Variants in UBAC2 observed in about 807,000 individuals in gnomAD.
UBAC2 encodes ubiquitin-associated domain-containing protein 2.
In UBAC2, 26 loss-of-function variants were observed where a neutral mutation model predicts 44.0. The ratio of observed to expected loss-of-function variants is 0.59; its 90% CI spans 0.43 to 0.82. The LOEUF is 0.82. UBAC2 is among the 40% of genes least tolerant of loss of function. UBAC2 has a pLI of 0.00. For synonymous variants in UBAC2, 155 were observed against 154.3 expected (o/e 1.00, Z -0.04); for missense variants, 329 against 419.4 (o/e 0.78, Z 1.88).
intron 4 of UBAC2, among the ~76,000 whole-genome samples, chr13:99,250,290 A>C (rs1594047295): frequency 2.0e-5 from 3 of 152,192 alleles, no homozygotes; most frequent in Admixed American, 2.0e-4. Flanking sequence ...CTAGCCAGCT[A>C]TCCTAGCACC....
intron 1 of UBAC2, among the ~76,000 whole-genome samples, chr13:99,228,211 A>G (rs1333361153): frequency 1.3e-5 from 2 of 152,182 alleles, no homozygotes; most frequent in Non-Finnish European, 2.9e-5. Context: ...CAGAGTCACA[A>G]AGGAGCTTGC....
At chr13:99,360,937 C>A (rs1268444730) in intron 7 of UBAC2, among the ~76,000 whole-genome samples, 1 of 152,144 alleles carries the variant, frequency 6.6e-6, no homozygotes, top group African/African-American at 2.4e-5. Context: ...CTCCTGTGGA[C>A]GCTCGAGTGC....
intron 8 of UBAC2, among the ~76,000 whole-genome samples, chr13:99,373,957 C>T (rs1332295945): frequency 6.6e-6 from 1 of 152,312 alleles, no homozygotes; most frequent in Non-Finnish European, 1.5e-5. Flanking sequence ...AAACATGGTG[C>T]AACTGCCCAG....
intron 6 of UBAC2, among the ~76,000 whole-genome samples, chr13:99,333,845 G>T (rs1427041256): frequency 2.0e-5 from 3 of 152,020 alleles, no homozygotes; most frequent in African/African-American, 7.2e-5. Context: ...GGGAGTCTGT[G>T]GCCTCCCCCC....
intron 1 of UBAC2, chr13:99,201,716 G>T: frequency 1.3e-6 from 1 of 745,768 alleles, no homozygotes; most frequent in Non-Finnish European, 2.2e-6. Flanking sequence ...GCTTGTCACT[G>T]TTCATACTCC....
chr13:99,201,078 C>T (rs80200505), intron 1 of UBAC2, 139 bp downstream of exon 1: 23,191 of 1,339,926 alleles, frequency 0.017, 215 homozygotes, highest in Non-Finnish European at 0.021. Context: ...CCGAACCCTG[C>T]TAGTTCCCGG....
At chr13:99,336,590 C>T (rs1465953432) in intron 6 of UBAC2, among the ~76,000 whole-genome samples, 1 of 152,132 alleles carries the variant, frequency 6.6e-6, no homozygotes, top group African/African-American at 2.4e-5. Flanking sequence ...CTGCTGAATA[C>T]CAGGTGCCCT....
At chr13:99,264,679 T>G (rs2043717705) in intron 4 of UBAC2, among the ~76,000 whole-genome samples, 2 of 152,178 alleles carry the variant, frequency 1.3e-5, no homozygotes, top group African/African-American at 4.8e-5. Context: ...GGTCATCCAC[T>G]TCCGGCCTTG....
intron 3 of UBAC2, 86 bp downstream of exon 3, chr13:99,244,037 T>G (rs1056118967): frequency 1.5e-4 from 172 of 1,137,336 alleles, no homozygotes; most frequent in Non-Finnish European, 1.8e-4. Flanking sequence ...AAACTTGGTG[T>G]TGTTATTTAC....
intron 8 of UBAC2, among the ~76,000 whole-genome samples, 162 bp downstream of exon 8, chr13:99,368,068 T>C (rs1404067430): frequency 1.3e-5 from 2 of 152,126 alleles, no homozygotes; most frequent in South Asian, 2.1e-4. Flanking sequence ...TTTTTGGCTA[T>C]TGTGGTTCTT....
intron 4 of UBAC2, among the ~76,000 whole-genome samples, chr13:99,279,233 C>T (rs544076698): frequency 8.5e-5 from 13 of 152,136 alleles, no homozygotes; most frequent in African/African-American, 2.2e-4. Flanking sequence ...TTAGCCCTAC[C>T]GGGGATTTTA....
Position 99,200,903 on chromosome 13 carries a change from G to A in UBAC2, c.-6G>A, listed in dbSNP as rs187489387. The A allele has an allele frequency of 2.0e-5, 26 of 1,304,144 alleles. No individual in the cohort carries two copies. The East Asian group carries it at 6.0e-4, about 30-fold the overall frequency. The allele number at this position is 1,304,144 out of a possible 1,614,324, so 80.8% of individuals were successfully genotyped here. On this transcript the variant is annotated 5_prime_UTR_variant, in exon 1 of 9. Transcript: ENST00000403766. ...CGCCCTCTGGGGCTCCGAGCCCGGCGGGACCATGTTCACCAGCACCGGCTC... is the reference window on the plus strand; with the variant it reads ...CGCCCTCTGGGGCTCCGAGCCCGGCAGGACCATGTTCACCAGCACCGGCTC...
intron 4 of UBAC2, chr13:99,256,287 T>G (rs1035807079): frequency 6.4e-6 from 1 of 155,636 alleles, no homozygotes; most frequent in Non-Finnish European, 1.4e-5. Flanking sequence ...ATTAAACTTT[T>G]TGTTTTTTTT....
intron 6 of UBAC2, 21 bp downstream of exon 6, chr13:99,318,090 A>G (rs1314785732): frequency 6.2e-7 from 1 of 1,601,836 alleles, no homozygotes; most frequent in Non-Finnish European, 8.5e-7. Flanking sequence ...CTACCCTTTT[A>G]CACCCAATTC....
At chr13:99,222,395 C>T (rs2043060890) in intron 1 of UBAC2, among the ~76,000 whole-genome samples, 1 of 152,156 alleles carries the variant, frequency 6.6e-6, no homozygotes, top group East Asian at 1.9e-4. Context: ...GTGGGAGTGG[C>T]AGGAGCAAAG....
chr13:99,260,607 T>C (rs2043645910), intron 4 of UBAC2, among the ~76,000 whole-genome samples: 1 of 152,184 alleles, frequency 6.6e-6, no homozygotes, highest in South Asian at 2.1e-4. Flanking sequence ...GGCAGGGAAT[T>C]ATAGTGAAAA....
chr13:99,312,596 G>T (rs2138761636), intron 4 of UBAC2, among the ~76,000 whole-genome samples: 1 of 152,294 alleles, frequency 6.6e-6, no homozygotes, highest in South Asian at 2.1e-4. Flanking sequence ...CTGATTCATT[G>T]CAGTGGTGAA....
chr13:99,243,225 G>T (rs942579458), intron 2 of UBAC2, among the ~76,000 whole-genome samples: 1 of 146,146 alleles, frequency 6.8e-6, no homozygotes, highest in Non-Finnish European at 1.5e-5. Context: ...ATAGGCCTTT[G>T]AGTAGCTCTT....
intron 4 of UBAC2, among the ~76,000 whole-genome samples, chr13:99,263,506 G>A (rs533792181): frequency 9.2e-5 from 14 of 152,344 alleles, no homozygotes; most frequent in Admixed American, 3.3e-4. Flanking sequence ...ACAGTGCAAA[G>A]TGCTGGCAAG....
Sources: gnomAD v4.1 joint callset for allele counts (sites outside exome capture counted in the v4.1 genomes callset) on GRCh38, gnomAD v4.1.1 for gene constraint, MANE v1.5 for transcripts, NCBI Gene and HGNC (gene_info 2026-07-23, HGNC 2026-07-21) for gene names.